The following PRC1 variants were observed in gnomAD, a reference collection of about 807,000 sequenced individuals.
The protein encoded by PRC1 is anaphase spindle elongation 1 homolog.
A neutral mutation model predicts 91.2 loss-of-function variants in PRC1; 54 were observed. The observed-to-expected ratio is 0.59, with a 90% confidence interval of 0.48 to 0.74. The LOEUF (loss-of-function observed/expected upper bound fraction) is 0.74. PRC1 is among the 30% of genes least tolerant of loss of function. The probability of loss-of-function intolerance (pLI) is 0.00; values close to 1 mark genes in which losing one functional copy is unlikely to be tolerated. For missense variants in PRC1, 727 were observed against 746.2 expected (o/e 0.97, Z 0.30); for synonymous variants, 275 against 263.6 (o/e 1.04, Z -0.42).
intron 14 of PRC1, chr15:90,968,425 G>T (rs955635259): frequency 7.1e-6 from 7 of 985,668 alleles, no homozygotes; most frequent in Non-Finnish European, 7.2e-6. Context: ...CCTCAAGGGT[G>T]AGGAACATCC....
intron 8 of PRC1, chr15:90,977,119 CAAAAAAAAA>C (rs1207251580): frequency 0.037 from 2,867 of 76,532 alleles, 103 homozygotes; most frequent in African/African-American, 0.11. Flanking sequence ...GCGAGACGCT[CAAAAAAAAA>C]AAAAAAAAAA....
At chr15:90,987,871 A>G (rs1440784496) in intron 1 of PRC1, 1 of 152,184 alleles carries the variant, frequency 6.6e-6, no homozygotes, top group African/African-American at 2.4e-5. Flanking sequence ...CTGTTAATAC[A>G]TTCACATCCA....
chr15:90,968,651 G>C (rs1007153061), intron 14 of PRC1: 2 of 1,004,144 alleles, frequency 2.0e-6, no homozygotes, highest in African/African-American at 1.7e-5. Context: ...TAGAGCTGGC[G>C]GTTAAGCCCT....
At chr15:90,977,575 CG>C (rs2038831720) in intron 8 of PRC1, among the ~76,000 whole-genome samples, 2 of 122,982 alleles carry the variant, frequency 1.6e-5, no homozygotes, top group Non-Finnish European at 3.3e-5. Context: ...TCCTTATTTA[CG>C]TTTTTTTTTT....
rs968953512 is a variant in PRC1 at position 90,984,918 on chromosome 15, A to G, written c.12-93T>C. ...CGAGAACTAAAAAGACTAGCTTCTC[A>G]GTGGCCTCGAGAAAAAAACAAATTG... On this transcript the variant is annotated intron_variant, in intron 1 of 14. Transcript: ENST00000394249. This position sits in a 1 kb window ranked among gnomAD's most constrained non-coding sequence, Gnocchi z 5.1. 1 of 1,487,076 alleles carries G rather than the reference A, an allele frequency of 6.7e-7. No individual in the cohort carries two copies. The highest frequency in any genetic ancestry group is 1.4e-5 in the African/African-American group (1 of 70,880). 92.1% of individuals were successfully genotyped at this position (1,487,076 alleles called of 1,614,324 possible).
At chr15:90,990,863 C>T (rs12900497) in intron 1 of PRC1, among the ~76,000 whole-genome samples, 1 of 151,770 alleles carries the variant, frequency 6.6e-6, no homozygotes, top group Non-Finnish European at 1.5e-5. Flanking sequence ...ACTGCAACCT[C>T]TGCCTTCTGG....
At position 90,966,209 on chromosome 15, in the gene PRC1, C is replaced by G. The variant is rs1312305411; in HGVS notation, c.*922G>C. The stretch of plus-strand genomic sequence containing the variant: ...TGACAGTAGTACTGCTGCAGGCAGA[C>G]AGCGGAAGAATAAATAATAGTGCTT... On this transcript the variant is annotated 3_prime_UTR_variant, in exon 15 of 15. Coordinates refer to ENST00000394249, the MANE Select transcript of PRC1 (RefSeq NM_003981.4). 1 of 195,640 alleles carries G rather than the reference C, an allele frequency of 5.1e-6. No individual in the cohort carries two copies. Among genetic ancestry groups the G allele is most frequent in the South Asian group, 9.2e-5 (1 of 10,842 alleles). 12.1% of individuals were successfully genotyped at this position (195,640 alleles called of 1,614,324 possible). A position where few individuals can be genotyped will look rare whatever the true frequency, so the allele number is the denominator to read the frequency against.
chr15:90,968,912 T>G, intron 14 of PRC1, 167 bp downstream of exon 14: 1 of 1,444,148 alleles, frequency 6.9e-7, no homozygotes, highest in Non-Finnish European at 9.1e-7. Flanking sequence ...AATTAATCTG[T>G]TGTGAATGTA....
intron 8 of PRC1, 108 bp from the exon 9 acceptor site, chr15:90,976,879 C>G: frequency 1.1e-6 from 1 of 875,774 alleles, no homozygotes; most frequent in Non-Finnish European, 1.8e-6. Flanking sequence ...ACCTGTAATC[C>G]CAGCACTTTG....
chr15:90,992,552 C>G (rs772136757), intron 1 of PRC1, among the ~76,000 whole-genome samples: 62 of 152,068 alleles, frequency 4.1e-4, no homozygotes, highest in Non-Finnish European at 7.5e-4. Flanking sequence ...CTGTGCCAGG[C>G]CCAAGAAGTC....
rs1364868608 is a variant in PRC1, at chr15:90,984,251, T to TG, written c.145-112dup. On this transcript the variant is annotated intron_variant, in intron 2 of 14. Transcript: ENST00000394249. This position sits in a 1 kb window ranked among gnomAD's most constrained non-coding sequence, Gnocchi z 5.1. ...TTTCTTTTTCTTTTTTTCTTTGAGATGGAGTCTCGCTCTGTTGCCCAGGCT... is the reference window on the plus strand; with the variant it reads ...TTTCTTTTTCTTTTTTTCTTTGAGATGGGAGTCTCGCTCTGTTGCCCAGGCT... 2 of 1,410,106 alleles carry TG rather than the reference T, an allele frequency of 1.4e-6. No homozygotes were observed. Among genetic ancestry groups the TG allele is most frequent in the East Asian group, 2.3e-5 (1 of 42,886 alleles). 87.3% of individuals were successfully genotyped at this position (1,410,106 alleles called of 1,614,324 possible). A position where few individuals can be genotyped will look rare whatever the true frequency, so the allele number is the denominator to read the frequency against.
At chr15:90,971,273 T>C (rs2151438776) in intron 11 of PRC1, among the ~76,000 whole-genome samples, 1 of 152,326 alleles carries the variant, frequency 6.6e-6, no homozygotes, top group South Asian at 2.1e-4. Context: ...AAACTTATTA[T>C]ATGCTAATGA....
At chr15:90,978,607 G>T (rs923651169) in intron 8 of PRC1, among the ~76,000 whole-genome samples, 3 of 152,094 alleles carry the variant, frequency 2.0e-5, no homozygotes, top group African/African-American at 7.2e-5. Flanking sequence ...CAAAAAATTA[G>T]CCGGGTGTGG....
chr15:90,973,286 A>G (rs931205023), intron 11 of PRC1, among the ~76,000 whole-genome samples: 1 of 152,246 alleles, frequency 6.6e-6, no homozygotes, highest in Non-Finnish European at 1.5e-5. Context: ...CAAGGGATCT[A>G]GGGCTGTGCA....
At chr15:90,978,583 C>T (rs965455485) in intron 8 of PRC1, among the ~76,000 whole-genome samples, 24 of 151,916 alleles carry the variant, frequency 1.6e-4, no homozygotes, top group Admixed American at 4.6e-4. Flanking sequence ...GAAACCCCAT[C>T]TCTACTAAAA....
rs754402323 is a variant in PRC1, at chr15:90,970,468, C to T, written c.1508G>A (p.Arg503Gln). 24 of 1,613,758 alleles carry T rather than the reference C, an allele frequency of 1.5e-5. No individual in the cohort carries two copies. Among genetic ancestry groups the T allele is most frequent in the East Asian group, 2.2e-5 (1 of 44,882 alleles). The change falls in exon 12 of 15, where the codon CGG becomes CAG. Residue 503 changes from arginine (R) to glutamine (Q), a missense_variant. Transcript: ENST00000394249. The stretch of plus-strand genomic sequence containing the variant: ...GTAGACTGTCCCTCCAAAGATAGGC[C>T]GAATGCTACTATTGGCCGTAGCATT... ...MSNATANSSI[R>Q]PIFGGTVYHS...
intron 13 of PRC1, 100 bp downstream of exon 13, chr15:90,969,347 G>A (rs1201167654): frequency 4.9e-6 from 7 of 1,420,530 alleles, no homozygotes; most frequent in Non-Finnish European, 6.7e-6. Flanking sequence ...CTCCAAGGTA[G>A]CTGCCCTAGC....
At chr15:90,983,955 A>G (rs1343508137) in intron 3 of PRC1, 63 bp downstream of exon 3, 6 of 1,582,042 alleles carry the variant, frequency 3.8e-6, no homozygotes, top group Non-Finnish European at 5.2e-6. Context: ...GCCCAAGTCA[A>G]CGTTGCTTTC....
At chr15:90,968,527 TAGGAAGTGA>T in intron 14 of PRC1, 1 of 990,378 alleles carries the variant, frequency 1.0e-6, no homozygotes, top group Non-Finnish European at 1.2e-6. Flanking sequence ...AGTAGGATAC[TAGGAAGTGA>T]AGAGCATTCT....
Sources: gnomAD v4.1 joint callset for allele counts (sites outside exome capture counted in the v4.1 genomes callset) on GRCh38, gnomAD v4.1.1 for gene constraint, Gnocchi (gnomAD v3.1) non-coding constraint, MANE v1.5 for transcripts, NCBI Gene and HGNC (gene_info 2026-07-23, HGNC 2026-07-21) for gene names.